Variants in CDK6 observed in about 807,000 individuals in gnomAD.
CDK6 encodes the protein cyclin-dependent kinase 6.
CDK6 carries 6 observed loss-of-function variants against 37.1 expected under a neutral mutation model. That is an observed-to-expected ratio of 0.16 (90% CI 0.09 to 0.32). CDK6 has a LOEUF of 0.32. Among genes scored for constraint, CDK6 ranks in the 10% least tolerant of loss-of-function variants. The probability of loss-of-function intolerance (pLI) is 1.00; values close to 1 mark genes in which losing one functional copy is unlikely to be tolerated. For missense variants in CDK6, 224 were observed against 418.9 expected (o/e 0.53, Z 4.06); for synonymous variants, 160 against 161.3 (o/e 0.99, Z 0.06).
At chr7:92,828,058 CCT>C (rs1801373267) in intron 2 of CDK6, among the ~76,000 whole-genome samples, 1 of 151,966 alleles carries the variant, frequency 6.6e-6, no homozygotes, top group Non-Finnish European at 1.5e-5. Flanking sequence ...TTTTCCTACT[CCT>C]CTTTGTCTAA....
Position 92,606,998 on chromosome 7 carries a change from T to C in CDK6, c.*8142A>G, listed in dbSNP as rs1403756474. The C allele has an allele frequency of 4.3e-6, 1 of 233,098 alleles. No individual in the cohort carries two copies. The highest frequency in any genetic ancestry group is 5.6e-5 in the Admixed American group (1 of 17,780). The allele number at this position is 233,098 out of a possible 1,614,324, so 14.4% of individuals were successfully genotyped here. ...GTTGGTTGTTAAAATCCCTTTTATT[T>C]TATAATAAATTATACAGGCAATCCT... is the stretch of plus-strand genomic sequence containing the variant. On this transcript the variant is annotated 3_prime_UTR_variant, in exon 8 of 8. Coordinates refer to ENST00000424848, the MANE Select transcript of CDK6 (RefSeq NM_001145306.2).
At chr7:92,767,714 T>TA (rs913941850) in intron 3 of CDK6, among the ~76,000 whole-genome samples, 81 of 151,156 alleles carry the variant, frequency 5.4e-4, no homozygotes, top group Admixed American at 1.3e-3. Flanking sequence ...GTATAGTCTT[T>TA]AAAAAAAAAC....
chr7:92,648,035 T>G (rs958204618), intron 5 of CDK6, among the ~76,000 whole-genome samples: 1 of 152,228 alleles, frequency 6.6e-6, no homozygotes, highest in Non-Finnish European at 1.5e-5. Context: ...CCGACTTAAC[T>G]GACCATTATA....
chr7:92,723,804 T>G (rs1443372012), intron 4 of CDK6, among the ~76,000 whole-genome samples: 1 of 152,080 alleles, frequency 6.6e-6, no homozygotes, highest in Non-Finnish European at 1.5e-5. Flanking sequence ...GCCTTTCTCC[T>G]TTTCCTCTAT....
chr7:92,786,083 A>T (rs1800124056), intron 2 of CDK6, among the ~76,000 whole-genome samples: 1 of 152,232 alleles, frequency 6.6e-6, no homozygotes, highest in South Asian at 2.1e-4. Flanking sequence ...AGTCAGATAG[A>T]GTGTGGAACA....
At chr7:92,682,019 C>T (rs1674881803) in intron 4 of CDK6, among the ~76,000 whole-genome samples, 1 of 152,210 alleles carries the variant, frequency 6.6e-6, no homozygotes, top group Non-Finnish European at 1.5e-5. Context: ...TCGCTACCTA[C>T]CCAGTTTCCC....
intron 2 of CDK6, among the ~76,000 whole-genome samples, chr7:92,822,289 T>TATCTC (rs1416769237): frequency 6.6e-6 from 1 of 152,172 alleles, no homozygotes; most frequent in African/African-American, 2.4e-5. Context: ...AGAAAGGGTA[T>TATCTC]ATCTCATTGT....
chr7:92,656,155 G>C (rs1796693959), intron 5 of CDK6, among the ~76,000 whole-genome samples: 1 of 152,068 alleles, frequency 6.6e-6, no homozygotes, highest in African/African-American at 2.4e-5. Flanking sequence ...AGGGAGGGAA[G>C]AAGAGAAAGA....
At chr7:92,683,324 T>C (rs1021727685) in intron 4 of CDK6, among the ~76,000 whole-genome samples, 4 of 152,222 alleles carry the variant, frequency 2.6e-5, no homozygotes, top group African/African-American at 4.8e-5. Flanking sequence ...GGTCCGTGCC[T>C]TCTTTCTCAT....
At chr7:92,692,110 T>C (rs1470266379) in intron 4 of CDK6, among the ~76,000 whole-genome samples, 1 of 151,750 alleles carries the variant, frequency 6.6e-6, no homozygotes, top group African/African-American at 2.4e-5. Context: ...TCTATTAAAA[T>C]ACAAAATTAG....
chr7:92,812,106 T>A (rs951800902), intron 2 of CDK6, among the ~76,000 whole-genome samples: 6 of 152,208 alleles, frequency 3.9e-5, no homozygotes, highest in African/African-American at 1.2e-4. Context: ...GCCATTGCAC[T>A]CTGGCCTGAG....
chr7:92,678,916 C>T (rs1797269944), intron 4 of CDK6, among the ~76,000 whole-genome samples: 1 of 152,240 alleles, frequency 6.6e-6, no homozygotes, highest in African/African-American at 2.4e-5. Flanking sequence ...CTAGAACTGA[C>T]TGTGTTGCCA....
At chr7:92,826,911 A>G (rs528408626) in intron 2 of CDK6, among the ~76,000 whole-genome samples, 1 of 152,298 alleles carries the variant, frequency 6.6e-6, no homozygotes, top group South Asian at 2.1e-4. Flanking sequence ...TTATGGATAT[A>G]AAATACACAA....
chr7:92,763,035 A>C (rs1449644766), intron 3 of CDK6, among the ~76,000 whole-genome samples: 1 of 152,252 alleles, frequency 6.6e-6, no homozygotes, highest in Non-Finnish European at 1.5e-5. Flanking sequence ...AAGTGGTATG[A>C]CTATACTACA....
chr7:92,630,349 A>G (rs907716206), intron 5 of CDK6, among the ~76,000 whole-genome samples: 1 of 151,214 alleles, frequency 6.6e-6, no homozygotes, highest in Non-Finnish European at 1.5e-5. Context: ...CTCCAATCAC[A>G]CTGTTCAGGG....
rs60683232 is a variant in CDK6 at position 92,731,483 on chromosome 7, G to A, written c.370-5690C>T. The stretch of plus-strand genomic sequence containing the variant: ...ATAGTCCAGCAATGCCATAGTACCC[G>A]TCTCTTTGCCACTGTGCATGATGAG... On this transcript the variant is annotated intron_variant, in intron 3 of 7. Transcript: ENST00000424848. 3.7e-3 allele frequency among the ~76,000 whole-genome samples: 566 copies of A among 152,228 alleles called. 6 individuals are homozygous for A. The highest frequency in any genetic ancestry group is 0.012 in the African/African-American group (516 of 41,524).
At chr7:92,652,616 T>C (rs1274666401) in intron 5 of CDK6, among the ~76,000 whole-genome samples, 2 of 152,208 alleles carry the variant, frequency 1.3e-5, no homozygotes, top group Non-Finnish European at 2.9e-5. Flanking sequence ...AATGAAATTA[T>C]TTGCTTTTAA....
At chr7:92,773,339 T>G (rs35410875) in intron 3 of CDK6, among the ~76,000 whole-genome samples, 302 of 152,182 alleles carry the variant, frequency 2.0e-3, no homozygotes, top group Non-Finnish European at 3.5e-3. Flanking sequence ...GATAGCCTGG[T>G]GAGAAGGAGC....
chr7:92,667,666 C>T (rs1796989325), intron 5 of CDK6, among the ~76,000 whole-genome samples: 1 of 151,634 alleles, frequency 6.6e-6, no homozygotes, highest in African/African-American at 2.4e-5. Flanking sequence ...ATCCTCCCAA[C>T]TCAGTCTTCC....
Sources: allele counts gnomAD v4.1 joint callset (sites outside exome capture counted in the v4.1 genomes callset), GRCh38; gene constraint gnomAD v4.1.1; transcripts MANE v1.5; gene names NCBI Gene and HGNC (gene_info 2026-07-23, HGNC 2026-07-21).